The following TCERG1L variants were observed in gnomAD, a reference collection of about 807,000 sequenced individuals.
TCERG1L encodes transcription elongation regulator 1 like.
A neutral mutation model predicts 56.3 loss-of-function variants in TCERG1L; 37 were observed. The ratio of observed to expected loss-of-function variants is 0.66; its 90% CI spans 0.51 to 0.87. TCERG1L has a LOEUF of 0.87. Ranked by LOEUF, TCERG1L falls within the 40% of genes least tolerant of loss-of-function variation. The pLI, the probability that TCERG1L is intolerant of heterozygous loss-of-function variation, is 0.00. For missense variants in TCERG1L, 799 were observed against 774.2 expected (o/e 1.03, Z -0.38); for synonymous variants, 324 against 326.3 (o/e 0.99, Z 0.08).
chr10:131,100,918 C>T (rs1341421338), intron 10 of TCERG1L, among the ~76,000 whole-genome samples: 3 of 152,216 alleles, frequency 2.0e-5, no homozygotes, highest in Non-Finnish European at 2.9e-5. Context: ...TTCTTCTGAG[C>T]GCTCTCTGGA....
At chr10:131,240,097 T>C (rs117934580) in intron 4 of TCERG1L, among the ~76,000 whole-genome samples, 4,394 of 152,260 alleles carry the variant, frequency 0.029, 88 homozygotes, top group Non-Finnish European at 0.042. Flanking sequence ...GACCCCTCCC[T>C]TATGATGACC....
chr10:131,113,369 G>T (rs1845428234), intron 9 of TCERG1L, among the ~76,000 whole-genome samples: 1 of 141,966 alleles, frequency 7.0e-6, no homozygotes, highest in Non-Finnish European at 1.6e-5. Context: ...CGCGTGCCCT[G>T]GCTGAAGGCT....
chr10:131,194,048 T>C (rs759133328), intron 4 of TCERG1L, among the ~76,000 whole-genome samples: 2 of 152,194 alleles, frequency 1.3e-5, no homozygotes, highest in Non-Finnish European at 1.5e-5. Context: ...TGCTGATTAA[T>C]AGCCACACCT....
At chr10:131,184,612 G>A (rs35528430) in intron 4 of TCERG1L, among the ~76,000 whole-genome samples, 17,029 of 152,206 alleles carry the variant, frequency 0.11, 1,018 homozygotes, top group East Asian at 0.23. Context: ...TAGAAAATGC[G>A]TCTCCAGCAG....
intron 7 of TCERG1L, among the ~76,000 whole-genome samples, chr10:131,143,563 A>G (rs1011474964): frequency 1.3e-5 from 2 of 152,198 alleles, no homozygotes; most frequent in African/African-American, 2.4e-5. Flanking sequence ...GTGGGGCTAC[A>G]GGTGCACAGC....
intron 6 of TCERG1L, among the ~76,000 whole-genome samples, chr10:131,155,793 CCCA>C (rs1845914380): frequency 6.6e-6 from 1 of 152,104 alleles, no homozygotes; most frequent in Non-Finnish European, 1.5e-5. Flanking sequence ...CAGCCCACGG[CCCA>C]CCCCCCACTC....
chr10:131,143,020 C>G (rs888190077), intron 7 of TCERG1L, among the ~76,000 whole-genome samples: 1 of 152,126 alleles, frequency 6.6e-6, no homozygotes, highest in South Asian at 2.1e-4. Flanking sequence ...ACGAGGGGGC[C>G]AGGAGTCAAG....
At chr10:131,231,110 G>A (rs1205101446) in intron 4 of TCERG1L, among the ~76,000 whole-genome samples, 1 of 149,540 alleles carries the variant, frequency 6.7e-6, no homozygotes, top group South Asian at 2.1e-4. Context: ...CCCGGCCTGG[G>A]TGAATTGGCC....
chr10:131,141,833 T>G (rs1176725726), intron 7 of TCERG1L, among the ~76,000 whole-genome samples: 1 of 152,124 alleles, frequency 6.6e-6, no homozygotes, highest in Non-Finnish European at 1.5e-5. Context: ...GCCCCTGCCC[T>G]GCCCACCCAG....
Position 131,308,374 on chromosome 10 carries a change from G to C in TCERG1L, c.507C>G (p.Ser169=), listed in dbSNP as rs771016125. 1.5e-5 allele frequency: 24 copies of C among 1,612,538 alleles called. No homozygotes were observed. Among genetic ancestry groups the C allele is most frequent in the Non-Finnish European group, 2.0e-5 (23 of 1,179,450 alleles). The change falls in exon 3 of 12, where the codon TCC becomes TCG. Residue 169 remains serine (S), a synonymous_variant. Coordinates refer to ENST00000368642, the MANE Select transcript of TCERG1L (RefSeq NM_174937.4). ...GTATCCACGTTGAGTCCAGAGCAAA[G>C]GAATTATTAAAAAAGATCTGTCGAA... ...IPNCKIFFNN[S]FALDSTWIHP...
intron 8 of TCERG1L, 58 bp from the exon 9 acceptor site, chr10:131,116,992 T>C (rs966694871): frequency 3.2e-5 from 50 of 1,549,166 alleles, no homozygotes; most frequent in Non-Finnish European, 4.4e-5. Context: ...CTGGTTTTTA[T>C]TGCAACCTTT....
chr10:131,259,571 C>T lies in TCERG1L; in HGVS notation c.856+688G>A, dbSNP rs1265824930. On this transcript the variant is annotated intron_variant, in intron 4 of 11. Coordinates refer to ENST00000368642, the MANE Select transcript of TCERG1L (RefSeq NM_174937.4). ...CATGCCTGTGAACACGCAGGGACAA[C>T]AGAGCTGCAGATGGGACCCAGGGCC... is the stretch of plus-strand genomic sequence containing the variant. Among the ~76,000 whole-genome samples, 3 of 152,208 alleles carry T rather than the reference C, an allele frequency of 2.0e-5. No homozygotes were observed. In the East Asian group the frequency reaches 5.8e-4, roughly 29 times the overall value.
chr10:131,302,989 G>A (rs750956568), intron 3 of TCERG1L, among the ~76,000 whole-genome samples: 104 of 151,966 alleles, frequency 6.8e-4, no homozygotes, highest in Non-Finnish European at 1.3e-3. Flanking sequence ...AGTATTCCAC[G>A]GTGTATATGT....
intron 6 of TCERG1L, among the ~76,000 whole-genome samples, chr10:131,159,298 A>G (rs937253327): frequency 1.3e-5 from 2 of 152,142 alleles, no homozygotes; most frequent in African/African-American, 4.8e-5. Flanking sequence ...ATGAAGACCA[A>G]GGAGGTCGTC....
chr10:131,264,405 A>G (rs1846265343), intron 3 of TCERG1L, among the ~76,000 whole-genome samples: 1 of 152,214 alleles, frequency 6.6e-6, no homozygotes, highest in Admixed American at 6.5e-5. Context: ...AGGGTGTGAT[A>G]CGGGTGCAAA....
intron 4 of TCERG1L, among the ~76,000 whole-genome samples, chr10:131,199,434 T>C (rs895220294): frequency 7.2e-5 from 11 of 152,238 alleles, no homozygotes; most frequent in African/African-American, 2.7e-4. Context: ...CCTAGTTCAC[T>C]GCTCGCAAAG....
In TCERG1L at chr10:131,104,303, G is replaced by A. The variant is rs1189756807; in HGVS notation, c.1447C>T (p.Pro483Ser). The A allele has an allele frequency of 2.6e-6, 4 of 1,550,900 alleles. No homozygotes were observed. The Admixed American group carries it at 5.9e-5, about 23-fold the overall frequency. The change falls in exon 10 of 12, where the codon CCA becomes TCA. Residue 483 changes from proline to serine, a missense_variant. By Grantham distance (74) the Pro-to-Ser change is moderately conservative (BLOSUM62 -1). Transcript: ENST00000368642. ...TCAGAGTTGAGCAGGAGATAGCGTG[G>A]GTCAAACACGATTTTGTGTAATTCT... The part of the protein sequence containing the change: ...EKELHKIVFD[P>S]RYLLLNSEER...
At chr10:131,231,750 A>G (rs1221308139) in intron 4 of TCERG1L, among the ~76,000 whole-genome samples, 1 of 152,128 alleles carries the variant, frequency 6.6e-6, no homozygotes, top group Non-Finnish European at 1.5e-5. Flanking sequence ...ATTTTATCCA[A>G]TAAAATACGA....
chr10:131,120,982 G>A (rs1466744672), intron 8 of TCERG1L, among the ~76,000 whole-genome samples: 3 of 152,228 alleles, frequency 2.0e-5, no homozygotes, highest in Non-Finnish European at 4.4e-5. Context: ...TTACACACAT[G>A]CGAAGCCTCA....
Sources: gnomAD v4.1 joint callset for allele counts (sites outside exome capture counted in the v4.1 genomes callset) on GRCh38, gnomAD v4.1.1 for gene constraint, MANE v1.5 for transcripts, NCBI Gene and HGNC (gene_info 2026-07-23, HGNC 2026-07-21) for gene names.